The following SYTL5 variants were observed in gnomAD, a reference collection of about 807,000 sequenced individuals.
SYTL5 encodes synaptotagmin like 5.
Under a neutral mutation model 55.9 loss-of-function variants are expected in SYTL5, and 34 were observed. The observed-to-expected ratio is 0.61, with a 90% confidence interval of 0.46 to 0.81. The LOEUF is 0.81. Ranked by LOEUF, SYTL5 falls within the 30% of genes least tolerant of loss-of-function variation. The pLI is 0.00. For missense variants in SYTL5, 637 were observed against 546.7 expected (o/e 1.17, Z -1.65); for synonymous variants, 221 against 188.7 (o/e 1.17, Z -1.40).
chrX:37,901,543 C>T, the SYTL5 span, among the ~76,000 whole-genome samples: 9 of 111,839 alleles, frequency 8.0e-5, no homozygotes, highest in African/African-American at 2.9e-4. Context: ...CTCTCCTCTA[C>T]ACTCCCAAAC....
chrX:38,080,598 T>C (rs1268511070), intron 6 of SYTL5, among the ~76,000 whole-genome samples: 1 of 111,861 alleles, frequency 8.9e-6, no homozygotes, highest in Non-Finnish European at 1.9e-5. Context: ...AGCTAGTTCT[T>C]GTCCTCATTT....
At chrX:37,939,411 T>C in the SYTL5 span, among the ~76,000 whole-genome samples, 16 of 112,486 alleles carry the variant, frequency 1.4e-4, no homozygotes, top group Non-Finnish European at 2.4e-4. Context: ...TATTCTTCTA[T>C]CCTTCCTCTG....
intron 10 of SYTL5, among the ~76,000 whole-genome samples, chrX:38,104,762 C>T (rs138091678): frequency 0.011 from 1,247 of 111,995 alleles, 11 homozygotes; most frequent in South Asian, 0.016. Flanking sequence ...GGGTCATCCA[C>T]GAAAGACCTC....
rs200824149 is a variant in SYTL5, at chrX:38,106,569, C to T, written c.1156-24C>T. 5.1e-5 allele frequency: 58 copies of T among 1,148,265 alleles called. No individual in the cohort carries two copies. In the Middle Eastern group the frequency reaches 1.5e-3, roughly 29 times the overall value. The allele number at this position is 1,148,265 out of a possible 1,213,427, so 94.6% of individuals were successfully genotyped here. ...AGATCATTAGAATGACACTAGAAGC[C>T]TTTTTCCATCTTGTTTATTCCAGAC... is the stretch of plus-strand genomic sequence containing the variant. On this transcript the variant is annotated intron_variant, in intron 10 of 16. Coordinates refer to ENST00000297875, the MANE Select transcript of SYTL5 (RefSeq NM_138780.3).
At chrX:37,946,204 A>G in the SYTL5 span, 1 of 115,808 alleles carries the variant, frequency 8.6e-6, no homozygotes, top group South Asian at 3.5e-4. Context: ...TCACTTTTGT[A>G]TCCAGCTGCT....
At chrX:37,971,230 T>C in the SYTL5 span, among the ~76,000 whole-genome samples, 2 of 110,831 alleles carry the variant, frequency 1.8e-5, no homozygotes, top group Non-Finnish European at 3.8e-5. Flanking sequence ...TCTTTTTTTT[T>C]TCATGTTTTA....
the SYTL5 span, among the ~76,000 whole-genome samples, chrX:37,987,320 C>T: frequency 3.6e-5 from 4 of 112,227 alleles, no homozygotes; most frequent in South Asian, 1.1e-3. Flanking sequence ...GTACTGCTGT[C>T]CTTTTTTACC....
chrX:37,970,927 T>G, the SYTL5 span, among the ~76,000 whole-genome samples: 186 of 112,357 alleles, frequency 1.7e-3, no homozygotes, highest in African/African-American at 5.8e-3. Flanking sequence ...AGCTACTTGA[T>G]TAATAGATGC....
intron 1 of SYTL5, among the ~76,000 whole-genome samples, chrX:38,019,687 T>A (rs1424130399): frequency 9.0e-6 from 1 of 111,498 alleles, no homozygotes; most frequent in Non-Finnish European, 1.9e-5. Flanking sequence ...TGGAGTGCAG[T>A]GGCGTGTTCT....
chrX:37,996,434 C>T, the SYTL5 span, among the ~76,000 whole-genome samples: 1 of 112,357 alleles, frequency 8.9e-6, no homozygotes, highest in Non-Finnish European at 1.9e-5. Flanking sequence ...GTGGTCAGGA[C>T]AGCACTGGTG....
chrX:38,117,272 C>T (rs889570999), intron 13 of SYTL5, among the ~76,000 whole-genome samples: 2 of 111,790 alleles, frequency 1.8e-5, no homozygotes, highest in African/African-American at 6.5e-5. Context: ...ATGCTACAAG[C>T]TTCATCATTA....
intron 3 of SYTL5, among the ~76,000 whole-genome samples, chrX:38,058,225 T>C (rs1935844499): frequency 9.0e-6 from 1 of 111,604 alleles, no homozygotes; most frequent in African/African-American, 3.2e-5. Context: ...ATGATGTTTG[T>C]TAATTGCATT....
intron 5 of SYTL5, among the ~76,000 whole-genome samples, chrX:38,074,656 G>T (rs745481513): frequency 8.9e-6 from 1 of 111,759 alleles, no homozygotes; most frequent in Non-Finnish European, 1.9e-5. Context: ...AAAATGTCTA[G>T]GGTTCTTTTA....
chrX:37,940,082 C>T, the SYTL5 span, among the ~76,000 whole-genome samples: 1 of 109,969 alleles, frequency 9.1e-6, no homozygotes, highest in Non-Finnish European at 1.9e-5. Flanking sequence ...GTGATCCGCC[C>T]GCCTCAGCCT....
chrX:38,125,594 A>G (rs780366179), intron 16 of SYTL5, 88 bp downstream of exon 16: 2 of 654,465 alleles, frequency 3.1e-6, no homozygotes, highest in Admixed American at 5.8e-5. Context: ...CAGTGGATGT[A>G]TATATATAGT....
intron 1 of SYTL5, among the ~76,000 whole-genome samples, chrX:38,025,967 G>C (rs1323101649): frequency 8.9e-6 from 1 of 112,203 alleles, no homozygotes; most frequent in Non-Finnish European, 1.9e-5. Flanking sequence ...GACAGGACCA[G>C]AACATTCACT....
chrX:37,920,831 A>G, the SYTL5 span, among the ~76,000 whole-genome samples: 1 of 111,763 alleles, frequency 8.9e-6, no homozygotes, highest in Admixed American at 9.5e-5. Flanking sequence ...TATGATGCCT[A>G]GAACATCTAG....
At chrX:38,012,521 A>C (rs1315056426) in intron 1 of SYTL5, among the ~76,000 whole-genome samples, 2 of 111,894 alleles carry the variant, frequency 1.8e-5, no homozygotes, top group African/African-American at 6.5e-5. Context: ...TCCAGGTTCA[A>C]ATATAAACTT....
chrX:38,003,801 C>T (rs1395416579), upstream of SYTL5, among the ~76,000 whole-genome samples: 1 of 112,060 alleles, frequency 8.9e-6, no homozygotes, highest in African/African-American at 3.2e-5. Context: ...TTTGTATTCA[C>T]ACCAACAGTG....
Sources: gnomAD v4.1 joint callset for allele counts (sites outside exome capture counted in the v4.1 genomes callset) on GRCh38, gnomAD v4.1.1 for gene constraint, MANE v1.5 for transcripts, NCBI Gene and HGNC (gene_info 2026-07-23, HGNC 2026-07-21) for gene names.